TMA16: variants seen among roughly 807,000 people sequenced by gnomAD.
TMA16 encodes translation machinery-associated protein 16.
TMA16 carries 26 observed loss-of-function variants against 27.1 expected under a neutral mutation model. The ratio of observed to expected loss-of-function variants is 0.96; its 90% CI spans 0.70 to 1.33. The LOEUF (loss-of-function observed/expected upper bound fraction) is 1.33, where lower values mean the gene tolerates loss of function less well. Ranked by LOEUF, TMA16 falls within the 40% of genes most tolerant of loss-of-function variation. The pLI is 0.00. For missense variants in TMA16, 233 were observed against 241.4 expected, an observed-to-expected ratio of 0.97 and a Z score of 0.23; for synonymous variants, 71 against 81.9, an observed-to-expected ratio of 0.87 and a Z score of 0.72.
rs1272769741 is a variant in TMA16 at position 163,504,450 on chromosome 4, A to G, written c.4-2583A>G. Among the ~76,000 whole-genome samples the G allele has an allele frequency of 7.2e-5, 11 of 152,220 alleles. No individual in the cohort carries two copies. The East Asian group carries it at 1.9e-3, about 27-fold the overall frequency. ...CTCACAAGGTTGCAGTGAAAGTATT[A>G]CTTGGGGGTGTGATTTCAAGGCACA... On this transcript the variant is annotated intron_variant, in intron 1 of 6. Transcript: ENST00000358572.
chr4:163,519,354 A>G lies in TMA16; in HGVS notation c.452A>G (p.Lys151Arg). The G allele has an allele frequency of 6.3e-7, 1 of 1,594,188 alleles. No individual in the cohort carries two copies. The change falls in exon 7 of 7, where the codon AAG (lysine) becomes AGG (arginine). Residue 151 changes from lysine to arginine, a missense_variant. Lys to Arg is a conservative substitution (Grantham distance 26). Coordinates refer to ENST00000358572, the MANE Select transcript of TMA16 (RefSeq NM_018352.3). ...KTFREWDFDL[K>R]KLPNIKMRKI... ...TCTAGGGAATGGGACTTTGATCTGA[A>G]GAAATTACCAAACATTAAAATGAGA... is the stretch of plus-strand genomic sequence containing the variant.
intron 2 of TMA16, among the ~76,000 whole-genome samples, chr4:163,507,776 G>T (rs1339214897): frequency 6.6e-6 from 1 of 151,990 alleles, no homozygotes; most frequent in Non-Finnish European, 1.5e-5. Context: ...CTGAGAAGGA[G>T]GAGAAAGAAG....
intron 2 of TMA16, among the ~76,000 whole-genome samples, chr4:163,507,413 C>T (rs973687215): frequency 6.6e-6 from 1 of 151,920 alleles, no homozygotes; most frequent in South Asian, 2.1e-4. Flanking sequence ...AGTTGTTTTA[C>T]GTGGGATAGT....
chr4:163,519,337 A>G lies in TMA16; in HGVS notation c.435A>G (p.Glu145=), dbSNP rs1479743973. Residue 145 remains glutamate, a synonymous_variant, in exon 7 of 7, where the codon GAA becomes GAG. Transcript: ENST00000358572. ...LNASNLKTFR[E]WDFDLKKLPN... ...TTTTTTTTTTCCTTTTGTCTAGGGAATGGGACTTTGATCTGAAGAAATTAC... is the reference window on the plus strand; with the variant it reads ...TTTTTTTTTTCCTTTTGTCTAGGGAGTGGGACTTTGATCTGAAGAAATTAC... The G allele has an allele frequency of 1.3e-6, 2 of 1,577,518 alleles. No individual in the cohort carries two copies. The highest frequency in any genetic ancestry group is 8.6e-7 in the Non-Finnish European group (1 of 1,166,564).
Position 163,513,479 on chromosome 4 carries a change from G to A in TMA16, c.155-595G>A, listed in dbSNP as rs185146800. ...AAATCTAACTGAAAGTGACCCTGACGGTCAGGTTTACTCACAAGGGTGAAT... is the reference window on the plus strand; with the variant it reads ...AAATCTAACTGAAAGTGACCCTGACAGTCAGGTTTACTCACAAGGGTGAAT... On this transcript the variant is annotated intron_variant, in intron 3 of 6. Transcript: ENST00000358572. Among the ~76,000 whole-genome samples, 191 of 152,156 alleles carry A rather than the reference G, an allele frequency of 1.3e-3. 1 individual carries two copies. Among genetic ancestry groups the A allele is most frequent in the Non-Finnish European group, 2.0e-3 (137 of 68,004 alleles).
chr4:163,503,451 G>A (rs184073285), intron 1 of TMA16, among the ~76,000 whole-genome samples: 15 of 152,224 alleles, frequency 9.9e-5, no homozygotes, highest in African/African-American at 3.4e-4. Context: ...CCTAGACTGC[G>A]GCTCAACTTG....
intron 1 of TMA16, among the ~76,000 whole-genome samples, chr4:163,504,216 G>A (rs1737688140): frequency 6.6e-6 from 1 of 152,112 alleles, no homozygotes; most frequent in Non-Finnish European, 1.5e-5. Flanking sequence ...TTAAAATATT[G>A]TTAAGCATTT....
At chr4:163,514,332 G>C (rs1260599461) in intron 4 of TMA16, among the ~76,000 whole-genome samples, 174 bp downstream of exon 4, 1 of 152,200 alleles carries the variant, frequency 6.6e-6, no homozygotes, top group Admixed American at 6.5e-5. Context: ...TTGGGTCTCA[G>C]AGTGGTAGTT....
At chr4:163,498,373 T>C (rs933536714) in intron 1 of TMA16, among the ~76,000 whole-genome samples, 5 of 151,374 alleles carry the variant, frequency 3.3e-5, no homozygotes, top group Admixed American at 2.6e-4. Flanking sequence ...CTGCAAGCTC[T>C]GCCTCCCGGG....
At chr4:163,495,843 T>C (rs1265077565) in intron 1 of TMA16, among the ~76,000 whole-genome samples, 2 of 152,242 alleles carry the variant, frequency 1.3e-5, no homozygotes, top group Admixed American at 1.3e-4. Context: ...TTTTGTACTT[T>C]AGATTGTACA....
At chr4:163,508,700 CATATAGTACCAGTGGTATG>C (rs1737750716) in intron 2 of TMA16, among the ~76,000 whole-genome samples, 1 of 152,182 alleles carries the variant, frequency 6.6e-6, no homozygotes, top group African/African-American at 2.4e-5. Context: ...GCTTACCTTA[CATATAGTACCAGTGGTATG>C]ATATGCAATA....
In TMA16 at chr4:163,507,132, GA is replaced by G. The variant is rs755970115; in HGVS notation, c.110del (p.Lys37ArgfsTer4). On this transcript the variant is annotated frameshift_variant, in exon 2 of 7. Coordinates refer to ENST00000358572, the MANE Select transcript of TMA16 (RefSeq NM_018352.3). LOFTEE classifies it high-confidence loss of function. ...AQITREAHKQ[E>X]KKEKLKNEKA... The stretch of plus-strand genomic sequence containing the variant: ...AATTACGAGAGAGGCCCACAAACAA[GA>G]AAAAAAGGAAAAGTAAGTATCTTTT... The G allele has an allele frequency of 1.9e-6, 3 of 1,569,812 alleles. No homozygotes were observed. Among genetic ancestry groups the G allele is most frequent in the South Asian group, 2.3e-5 (2 of 85,334 alleles).
chr4:163,505,444 A>G (rs925783469), intron 1 of TMA16, among the ~76,000 whole-genome samples: 2 of 152,214 alleles, frequency 1.3e-5, no homozygotes, highest in Non-Finnish European at 2.9e-5. Context: ...AAGAATGAAT[A>G]TATTTGTGAA....
intron 1 of TMA16, among the ~76,000 whole-genome samples, chr4:163,503,065 C>T (rs113885894): frequency 5.3e-5 from 8 of 152,246 alleles, no homozygotes; most frequent in South Asian, 2.1e-4. Flanking sequence ...AGTACAGTAA[C>T]GTCCTGGACA....
intron 2 of TMA16, among the ~76,000 whole-genome samples, chr4:163,512,217 T>C (rs1303719663): frequency 6.6e-6 from 1 of 152,148 alleles, no homozygotes; most frequent in Non-Finnish European, 1.5e-5. Flanking sequence ...TTTTTTTTGT[T>C]CATGGCTGTA....
chr4:163,497,761 C>T (rs561009772), intron 1 of TMA16, among the ~76,000 whole-genome samples: 41 of 152,252 alleles, frequency 2.7e-4, no homozygotes, highest in Admixed American at 3.9e-4. Flanking sequence ...ATCTGCAAGT[C>T]CTTTTTGTCA....
At chr4:163,515,005 G>A (rs866081339) in intron 4 of TMA16, among the ~76,000 whole-genome samples, 3 of 152,144 alleles carry the variant, frequency 2.0e-5, no homozygotes, top group African/African-American at 7.2e-5. Flanking sequence ...GGGGTAGGTG[G>A]GGACAGGGTG....
intron 3 of TMA16, among the ~76,000 whole-genome samples, chr4:163,513,726 A>G (rs1032514881): frequency 1.3e-5 from 2 of 152,198 alleles, no homozygotes; most frequent in African/African-American, 4.8e-5. Context: ...CTCATCATTA[A>G]TGGAGTTTTC....
chr4:163,509,998 AT>A lies in TMA16; in HGVS notation c.117-2818del, dbSNP rs566400906. On this transcript the variant is annotated intron_variant, in intron 2 of 6. Coordinates refer to ENST00000358572, the MANE Select transcript of TMA16 (RefSeq NM_018352.3). Reference sequence around the variant, plus strand: ...CTCATGTTTACATATTGTTTTAAGAATTTTTTCATATTTACATGCAAGTACT... The same window carrying A: ...CTCATGTTTACATATTGTTTTAAGAATTTTTCATATTTACATGCAAGTACT... Among the ~76,000 whole-genome samples, 19 of 152,302 alleles carry A rather than the reference AT, an allele frequency of 1.2e-4. No individual in the cohort carries two copies. In the East Asian group the frequency reaches 3.5e-3, roughly 28 times the overall value.
Sources: allele counts gnomAD v4.1 joint callset (sites outside exome capture counted in the v4.1 genomes callset), GRCh38; gene constraint gnomAD v4.1.1; transcripts MANE v1.5; gene names NCBI Gene and HGNC (gene_info 2026-07-23, HGNC 2026-07-21).